RET: variants seen among roughly 807,000 people sequenced by gnomAD.
RET encodes ret proto-oncogene.
RET carries 19 observed loss-of-function variants against 118.3 expected under a neutral mutation model. That is an observed-to-expected ratio of 0.16 (90% CI 0.11 to 0.24). The LOEUF is 0.24. Ranked by LOEUF, RET falls within the 10% of genes least tolerant of loss-of-function variation. The pLI is 1.00. For missense variants in RET, 1,219 were observed against 1,502.1 expected (o/e 0.81, Z 3.12); for synonymous variants, 597 against 644.1 (o/e 0.93, Z 1.11).
chr10:43,102,883 G>C lies in RET; in HGVS notation c.625+254G>C, dbSNP rs562723580. ...TTCTTGTGGGGCAGACAGAGCGTCT[G>C]AGCATGCCAAGGAAATCAGGTGGCT... is the stretch of plus-strand genomic sequence containing the variant. On this transcript the variant is annotated intron_variant, in intron 3 of 19. Coordinates refer to ENST00000355710, the MANE Select transcript of RET (RefSeq NM_020975.6). 115 of 577,860 alleles carry C rather than the reference G, an allele frequency of 2.0e-4. 1 individual carries two copies. The East Asian group carries it at 3.3e-3, about 17-fold the overall frequency. 35.8% of individuals were successfully genotyped at this position (577,860 alleles called of 1,614,324 possible).
chr10:43,095,353 G>A (rs977121709), intron 1 of RET, among the ~76,000 whole-genome samples: 3 of 152,166 alleles, frequency 2.0e-5, no homozygotes, highest in African/African-American at 4.8e-5. Flanking sequence ...GTAACAACCG[G>A]AGACAGGAGC....
chr10:43,112,703 A>G (rs1837967642), intron 8 of RET, 150 bp from the exon 9 acceptor site: 3 of 703,968 alleles, frequency 4.3e-6, no homozygotes, highest in Non-Finnish European at 7.7e-6. Flanking sequence ...GCTCCCCAGG[A>G]TGCTTCCGCT....
intron 8 of RET, 84 bp downstream of exon 8, chr10:43,112,308 G>T: frequency 6.5e-7 from 1 of 1,539,980 alleles, no homozygotes; most frequent in Non-Finnish European, 8.8e-7. Context: ...CCAGCCTGGG[G>T]TGGCTCTCCC....
Position 43,129,593 on chromosome 10 carries a change from A to G in RET, c.*1324A>G, listed in dbSNP as rs1838405082. 4.1e-6 allele frequency: 1 copy of G among 244,308 alleles called. No individual in the cohort carries two copies. The highest frequency in any genetic ancestry group is 5.5e-5 in the Admixed American group (1 of 18,048). The allele number at this position is 244,308 out of a possible 1,614,324, so 15.1% of individuals were successfully genotyped here. A position where few individuals can be genotyped will look rare whatever the true frequency, so the allele number is the denominator to read the frequency against. ...CAGCTCTTCTGGCTGTGTTGTCAGC[A>G]CTGTAACTTCGCAGAAAAGAGTCGG... On this transcript the variant is annotated 3_prime_UTR_variant, in exon 20 of 20. Transcript: ENST00000355710.
rs377767406 is a variant in RET, at chr10:43,114,491, G to A, written c.1891G>A (p.Asp631Asn). The part of the protein sequence containing the change: ...EPEDIQDPLC[D>N]ELCRTVIAAA... ...ACCCCCACCCACAGATCCACTGTGC[G>A]ACGAGCTGTGCCGCACGGTGATCGC... The change falls in exon 11 of 20, where the codon GAC becomes AAC. Residue 631 changes from aspartate (D) to asparagine (N), a missense_variant. Around this residue, in one of 5 missense-constraint regions of RET, gnomAD observed 850 missense variants for 969.6 expected, o/e 0.88. Transcript: ENST00000355710. This position sits in a 1 kb window ranked among gnomAD's most constrained non-coding sequence, Gnocchi z 4.6. The A allele has an allele frequency of 1.4e-5, 22 of 1,606,784 alleles. No individual in the cohort carries two copies. The highest frequency in any genetic ancestry group is 1.3e-4 in the East Asian group (6 of 44,856).
intron 1 of RET, among the ~76,000 whole-genome samples, 172 bp downstream of exon 1, chr10:43,077,503 A>AGCGGGCGGCGGGCGGC (rs1483784179): frequency 2.2e-4 from 32 of 148,384 alleles, no homozygotes; most frequent in East Asian, 1.2e-3. Flanking sequence ...CGGCGGGCGA[A>AGCGGGCGGCGGGCGGC]GGGCAGGACG....
intron 12 of RET, 58 bp downstream of exon 12, chr10:43,116,789 T>C (rs1838083031): frequency 2.3e-4 from 166 of 715,684 alleles, no homozygotes; most frequent in Non-Finnish European, 3.7e-4. Context: ...GGGGGGCGGG[T>C]GAGGCCCCTC....
chr10:43,098,717 C>T (rs930745370), intron 1 of RET, among the ~76,000 whole-genome samples: 3 of 152,200 alleles, frequency 2.0e-5, no homozygotes, highest in African/African-American at 7.2e-5. Flanking sequence ...CCACTGCGCC[C>T]GGCCAGATTT....
chr10:43,103,621 G>T (rs1271518658), intron 3 of RET, among the ~76,000 whole-genome samples: 2 of 152,182 alleles, frequency 1.3e-5, no homozygotes, highest in Admixed American at 1.3e-4. Context: ...AACATGGCAA[G>T]AATATTAAAA....
rs1837733537 is a variant in RET, at chr10:43,105,065, G to A, written c.739G>A (p.Ala247Thr). The stretch of plus-strand genomic sequence containing the variant: ...GCTGGTGGCCGTGTGCACCGTGCAC[G>A]CCGGCGCGCGCGAGGAGGTGGTGAT... ...YELVAVCTVHAGAREEVVMVP... is the reference protein window; with the variant it reads ...YELVAVCTVHTGAREEVVMVP... The change falls in exon 4 of 20, where the codon GCC (alanine) becomes ACC (threonine). Residue 247 changes from alanine to threonine, a missense_variant. Physicochemically the swap from Ala to Thr is moderately conservative, Grantham distance 58. This residue lies in a region of RET where 850 missense variants were observed against 969.6 expected (regional missense o/e 0.88). Transcript: ENST00000355710. The A allele has an allele frequency of 1.2e-6, 2 of 1,609,968 alleles. No individual in the cohort carries two copies. The highest frequency in any genetic ancestry group is 1.7e-6 in the Non-Finnish European group (2 of 1,179,612).
chr10:43,092,698 C>T (rs939236399), intron 1 of RET, among the ~76,000 whole-genome samples: 7 of 152,216 alleles, frequency 4.6e-5, no homozygotes, highest in African/African-American at 1.2e-4. Flanking sequence ...CTGGCAGCTC[C>T]GGTGCCCAGG....
chr10:43,111,158 A>G, intron 6 of RET, 49 bp from the exon 7 acceptor site: 1 of 1,609,630 alleles, frequency 6.2e-7, no homozygotes, highest in Non-Finnish European at 8.5e-7. Flanking sequence ...TCAGGCCATT[A>G]CAGGCCGGTC....
In RET at chr10:43,105,064, C is replaced by T. The variant is rs769279838; in HGVS notation, c.738C>T (p.His246=). The change falls in exon 4 of 20, where the codon CAC becomes CAT. Residue 246 remains histidine (H), a synonymous_variant. Transcript: ENST00000355710. The part of the protein sequence containing the change: ...KYELVAVCTV[H]AGAREEVVMV... ...AGCTGGTGGCCGTGTGCACCGTGCA[C>T]GCCGGCGCGCGCGAGGAGGTGGTGA... 5 of 1,609,906 alleles carry T rather than the reference C, an allele frequency of 3.1e-6. No individual in the cohort carries two copies. The highest frequency in any genetic ancestry group is 1.7e-5 in the Admixed American group (1 of 59,926).
In RET at chr10:43,111,287, C is replaced by G. The variant is rs549907428; in HGVS notation, c.1344C>G (p.Asn448Lys). The part of the protein sequence containing the change: ...VQYKLHSSGA[N>K]CSTLGVVTSA... ...ACAAGCTGCATTCCTCTGGTGCCAACTGCAGCACGCTAGGGGTGGTCACCT... is the reference window on the plus strand; with the variant it reads ...ACAAGCTGCATTCCTCTGGTGCCAAGTGCAGCACGCTAGGGGTGGTCACCT... Residue 448 changes from asparagine to lysine, a missense_variant, in exon 7 of 20, where the codon AAC becomes AAG. Asn to Lys is a moderately conservative substitution (Grantham distance 94, BLOSUM62 0). This residue lies in a region of RET where 850 missense variants were observed against 969.6 expected (regional missense o/e 0.88). Coordinates refer to ENST00000355710, the MANE Select transcript of RET (RefSeq NM_020975.6). 1.6e-5 allele frequency: 26 copies of G among 1,614,182 alleles called. No individual in the cohort carries two copies. The Admixed American group carries it at 4.0e-4, about 25-fold the overall frequency.
At chr10:43,092,911 A>G (rs1300573797) in intron 1 of RET, among the ~76,000 whole-genome samples, 1 of 152,158 alleles carries the variant, frequency 6.6e-6, no homozygotes, top group African/African-American at 2.4e-5. Flanking sequence ...CCGTGAGACC[A>G]TGTCACAGTA....
At chr10:43,093,783 T>C (rs1398007753) in intron 1 of RET, among the ~76,000 whole-genome samples, 1 of 151,930 alleles carries the variant, frequency 6.6e-6, no homozygotes, top group Admixed American at 6.5e-5. Context: ...AGCCAGACCT[T>C]ATGTAGAGTG....
At chr10:43,100,236 A>C (rs1837607039) in intron 1 of RET, among the ~76,000 whole-genome samples, 1 of 152,144 alleles carries the variant, frequency 6.6e-6, no homozygotes, top group South Asian at 2.1e-4. Context: ...TAGGCTTGTC[A>C]CTGAGGATAC....
In RET at chr10:43,102,328, A is replaced by T. The variant is rs2132677110; in HGVS notation, c.338-14A>T. ...TGTGGCCGATGCCCCCACAGACCTG[A>T]CTTCTCTCTGCAGACCGCGGCTTTC... On this transcript the variant is annotated splice_polypyrimidine_tract_variant and intron_variant, in intron 2 of 19. Coordinates refer to ENST00000355710, the MANE Select transcript of RET (RefSeq NM_020975.6). 6.2e-7 allele frequency: 1 copy of T among 1,613,322 alleles called. No homozygotes were observed.
At chr10:43,096,149 A>C (rs575364402) in intron 1 of RET, among the ~76,000 whole-genome samples, 2 of 152,172 alleles carry the variant, frequency 1.3e-5, no homozygotes, top group South Asian at 4.1e-4. Flanking sequence ...ATGGGGTGGG[A>C]AAAGCTTTGT....
Sources: gnomAD v4.1 joint callset for allele counts (sites outside exome capture counted in the v4.1 genomes callset) on GRCh38, gnomAD v4.1.1 for gene constraint, gnomAD v4.1.1 regional missense constraint, Gnocchi (gnomAD v3.1) non-coding constraint, MANE v1.5 for transcripts, NCBI Gene and HGNC (gene_info 2026-07-23, HGNC 2026-07-21) for gene names.